Variants in DNAJC6 observed in about 807,000 individuals in gnomAD.
DNAJC6 encodes DnaJ heat shock protein family (Hsp40) member C6.
DNAJC6 carries 34 observed loss-of-function variants against 110.0 expected under a neutral mutation model. That is an observed-to-expected ratio of 0.31 (90% CI 0.24 to 0.41). The LOEUF (loss-of-function observed/expected upper bound fraction) is 0.41. DNAJC6 is among the 10% of genes least tolerant of loss of function. The probability of loss-of-function intolerance (pLI) is 1.00; values close to 1 mark genes in which losing one functional copy is unlikely to be tolerated. For missense variants in DNAJC6, 1,031 were observed against 1,207.8 expected (o/e 0.85, Z 2.17); for synonymous variants, 406 against 437.2 (o/e 0.93, Z 0.89).
At chr1:65,269,290 C>T (rs2101153298) in intron 1 of DNAJC6, among the ~76,000 whole-genome samples, 1 of 151,986 alleles carries the variant, frequency 6.6e-6, no homozygotes, top group South Asian at 2.1e-4. Flanking sequence ...ATCGCTTGAA[C>T]CTGGGAGGCG....
chr1:65,392,725 G>A lies in DNAJC6; in HGVS notation c.1763G>A (p.Gly588Glu). The stretch of plus-strand genomic sequence containing the variant: ...CTACTGAGTGACCTGTTTGGGGGTG[G>A]AGGTGCAGCTGGTCCCACCCAGGCT... ...SELLSDLFGG[G>E]GAAGPTQAGQ... is the part of the protein sequence containing the mutation. The change falls in exon 12 of 19, where the codon GGA (glycine) becomes GAA (glutamate). Residue 588 changes from glycine (G) to glutamate (E), a missense_variant. Transcript: ENST00000371069. 6.2e-7 allele frequency: 1 copy of A among 1,612,870 alleles called. No individual in the cohort carries two copies. The highest frequency in any genetic ancestry group is 8.5e-7 in the Non-Finnish European group (1 of 1,179,516).
chr1:65,359,847 G>A (rs958961196), intron 1 of DNAJC6, among the ~76,000 whole-genome samples: 12 of 152,150 alleles, frequency 7.9e-5, no homozygotes, highest in African/African-American at 2.9e-4. Flanking sequence ...AAACACATAA[G>A]GGTACTTTAC....
intron 1 of DNAJC6, among the ~76,000 whole-genome samples, chr1:65,268,300 A>G (rs7545714): frequency 0.016 from 2,475 of 152,308 alleles, 62 homozygotes; most frequent in African/African-American, 0.057. Flanking sequence ...TACAAAAGAC[A>G]TTGTGTAACA....
At position 65,380,916 on chromosome 1, in the gene DNAJC6, G is replaced by GTTTTTTTTT. The variant is rs796797174; in HGVS notation, c.666+1396_666+1397insTTTTTTTTT. On this transcript the variant is annotated intron_variant, in intron 5 of 18. Transcript: ENST00000371069. ...TTTTTTTTTTTTTGTTTTTTGTTTT[G>GTTTTTTTTT]TTTTGTTTTTTTTTTTTTTTTGGGA... Among the ~76,000 whole-genome samples the GTTTTTTTTT allele has an allele frequency of 5.8e-3, 546 of 93,430 alleles. 29 individuals carry two copies. Among genetic ancestry groups the GTTTTTTTTT allele is most frequent in the South Asian group, 0.018 (52 of 2,840 alleles). 61.3% of individuals were successfully genotyped at this position (93,430 alleles called of 152,430 possible).
chr1:65,313,863 C>A (rs1210395858), intron 1 of DNAJC6, among the ~76,000 whole-genome samples: 2 of 152,152 alleles, frequency 1.3e-5, no homozygotes, highest in Non-Finnish European at 2.9e-5. Context: ...ATTTAAAGGT[C>A]ATCCTGTCAT....
intron 1 of DNAJC6, among the ~76,000 whole-genome samples, chr1:65,346,905 C>T (rs546889948): frequency 1.3e-5 from 2 of 152,190 alleles, no homozygotes; most frequent in Non-Finnish European, 2.9e-5. Context: ...TCAACACCAC[C>T]CCCGCTCCAC....
At chr1:65,360,076 C>G (rs1645583625) in intron 1 of DNAJC6, among the ~76,000 whole-genome samples, 1 of 152,166 alleles carries the variant, frequency 6.6e-6, no homozygotes. Flanking sequence ...CTCATTGCAC[C>G]ATTTTCTTCT....
At chr1:65,375,340 A>AT (rs993987036) in intron 4 of DNAJC6, among the ~76,000 whole-genome samples, 20 of 151,322 alleles carry the variant, frequency 1.3e-4, no homozygotes, top group African/African-American at 4.9e-4. Context: ...ATAATCACGT[A>AT]TTTTTTGTTC....
In DNAJC6 at chr1:65,395,029, C is replaced by T. The variant is rs772580499; in HGVS notation, c.2035C>T (p.His679Tyr). 2 of 1,605,238 alleles carry T rather than the reference C, an allele frequency of 1.2e-6. No homozygotes were observed. Among genetic ancestry groups the T allele is most frequent in the Non-Finnish European group, 1.7e-6 (2 of 1,177,442 alleles). Residue 679 changes from histidine (H) to tyrosine (Y), a missense_variant, in exon 13 of 19, where the codon CAT becomes TAT. Coordinates refer to ENST00000371069, the MANE Select transcript of DNAJC6 (RefSeq NM_001256864.2). ...QPTRSPSPTV[H>Y]ASSTPAVNIQ... ...AACAAGAAGTCCTTCGCCCACAGTA[C>T]ATGGTAAGGAAATATTTTATATTGT...
intron 1 of DNAJC6, among the ~76,000 whole-genome samples, chr1:65,267,238 T>G (rs1437724079): frequency 2.6e-5 from 4 of 152,230 alleles, no homozygotes; most frequent in South Asian, 2.1e-4. Context: ...GGGAAGAGCC[T>G]TGGGTTGGGA....
chr1:65,288,472 T>C (rs1192281344), intron 1 of DNAJC6, among the ~76,000 whole-genome samples: 2 of 152,188 alleles, frequency 1.3e-5, no homozygotes, highest in African/African-American at 4.8e-5. Context: ...TCTTAGGAGA[T>C]GAACTGCTAA....
At chr1:65,410,856 C>T (rs910243988) in intron 17 of DNAJC6, among the ~76,000 whole-genome samples, 1 of 152,196 alleles carries the variant, frequency 6.6e-6, no homozygotes, top group Admixed American at 6.5e-5. Flanking sequence ...AAGTGTGGTA[C>T]ATATTATGGT....
chr1:65,321,914 A>T (rs1222066936), intron 1 of DNAJC6, among the ~76,000 whole-genome samples: 1 of 152,178 alleles, frequency 6.6e-6, no homozygotes, highest in Non-Finnish European at 1.5e-5. Flanking sequence ...GTTGGGTTTT[A>T]ATTGCCAGGG....
At chr1:65,389,715 A>G (rs1645907792) in intron 11 of DNAJC6, 88 bp downstream of exon 11, 2 of 1,408,396 alleles carry the variant, frequency 1.4e-6, no homozygotes. Context: ...AGACTACATT[A>G]AAGCAGCACT....
At chr1:65,403,610 C>T (rs1016966655) in intron 15 of DNAJC6, among the ~76,000 whole-genome samples, 3 of 152,196 alleles carry the variant, frequency 2.0e-5, no homozygotes, top group African/African-American at 7.2e-5. Context: ...AGGGGCTACA[C>T]AAGATGGAGC....
chr1:65,388,552 G>A (rs1645893984), intron 9 of DNAJC6, 137 bp downstream of exon 9: 1 of 750,156 alleles, frequency 1.3e-6, no homozygotes, highest in East Asian at 2.6e-5. Context: ...GCACAGAGAG[G>A]CTGTGGGCAT....
chr1:65,278,144 C>G (rs501691), intron 1 of DNAJC6, among the ~76,000 whole-genome samples: 1 of 152,044 alleles, frequency 6.6e-6, no homozygotes, highest in Non-Finnish European at 1.5e-5. Flanking sequence ...CCAGGTTGCG[C>G]GCTGCGTTTA....
At chr1:65,314,688 A>G (rs544079381) in intron 1 of DNAJC6, among the ~76,000 whole-genome samples, 7 of 152,140 alleles carry the variant, frequency 4.6e-5, no homozygotes, top group African/African-American at 1.4e-4. Flanking sequence ...GAGTTTCGCC[A>G]TGTTGGCCAG....
intron 13 of DNAJC6, among the ~76,000 whole-genome samples, chr1:65,395,976 T>C (rs2101619753): frequency 6.6e-6 from 1 of 152,270 alleles, no homozygotes; most frequent in African/African-American, 2.4e-5. Flanking sequence ...AGGTGACGTA[T>C]TGTTGAAGGC....
Sources: gnomAD v4.1 joint callset for allele counts (sites outside exome capture counted in the v4.1 genomes callset) on GRCh38, gnomAD v4.1.1 for gene constraint, MANE v1.5 for transcripts, NCBI Gene and HGNC (gene_info 2026-07-23, HGNC 2026-07-21) for gene names.